The following ARHGEF7 variants were observed in gnomAD, a reference collection of about 807,000 sequenced individuals.
The protein encoded by ARHGEF7 is PAK-interacting exchange factor beta.
ARHGEF7 carries 33 observed loss-of-function variants against 109.8 expected under a neutral mutation model. The observed-to-expected ratio is 0.30, with a 90% CI of 0.23 to 0.40. The LOEUF is 0.40. ARHGEF7 is among the 10% of genes least tolerant of loss of function. The pLI is 1.00. For missense variants in ARHGEF7, 938 were observed against 1,098.5 expected, an observed-to-expected ratio of 0.85 and a Z score of 2.07; for synonymous variants, 458 against 424.6, an observed-to-expected ratio of 1.08 and a Z score of -0.97.
chr13:111,144,925 G>T (rs1444149814), intron 1 of ARHGEF7, among the ~76,000 whole-genome samples: 1 of 152,140 alleles, frequency 6.6e-6, no homozygotes, highest in East Asian at 1.9e-4. Flanking sequence ...TTGTTCCCTT[G>T]TCCTCCATGC....
chr13:111,221,546 C>T (rs148245459), intron 5 of ARHGEF7, among the ~76,000 whole-genome samples: 1,861 of 49,066 alleles, frequency 0.038, 84 homozygotes, highest in African/African-American at 0.1. Context: ...TATATAGATA[C>T]ATATCTATAT....
chr13:111,209,099 G>A (rs2082208429), intron 3 of ARHGEF7, among the ~76,000 whole-genome samples: 1 of 152,212 alleles, frequency 6.6e-6, no homozygotes, highest in African/African-American at 2.4e-5. Flanking sequence ...ACTTAGGGTT[G>A]CTTTCATGGA....
chr13:111,203,924 C>G (rs1340434337), intron 2 of ARHGEF7, among the ~76,000 whole-genome samples: 2 of 152,180 alleles, frequency 1.3e-5, no homozygotes, highest in Admixed American at 6.5e-5. Context: ...GTGCACGTCT[C>G]CATTCGGATG....
chr13:111,135,972 C>T (rs2075064802), intron 1 of ARHGEF7, among the ~76,000 whole-genome samples: 1 of 152,126 alleles, frequency 6.6e-6, no homozygotes, highest in South Asian at 2.1e-4. Context: ...TACGTCCCAT[C>T]AATACCTAAT....
intron 2 of ARHGEF7, among the ~76,000 whole-genome samples, chr13:111,191,704 AGG>A (rs1482418307): frequency 1.3e-5 from 2 of 151,956 alleles, no homozygotes; most frequent in East Asian, 3.9e-4. Context: ...GTGGAAGGGG[AGG>A]GGTGATTGTA....
chr13:111,135,968 C>T (rs1170932040), intron 1 of ARHGEF7, among the ~76,000 whole-genome samples: 5 of 152,086 alleles, frequency 3.3e-5, no homozygotes, highest in African/African-American at 1.2e-4. Flanking sequence ...GAGATACGTC[C>T]CATCAATACC....
At chr13:111,204,911 C>T (rs917320804) in intron 2 of ARHGEF7, among the ~76,000 whole-genome samples, 1 of 152,222 alleles carries the variant, frequency 6.6e-6, no homozygotes, top group Non-Finnish European at 1.5e-5. Flanking sequence ...ATCTGTAGCA[C>T]GCCTTGCCTG....
At position 111,283,248 on chromosome 13, in the gene ARHGEF7, A is replaced by G. The variant is rs1451938654; in HGVS notation, c.1835A>G (p.His612Arg). Residue 612 changes from histidine (H) to arginine (R), a missense_variant, in exon 16 of 22, where the codon CAC (histidine) becomes CGC (arginine). By Grantham distance (29) the His-to-Arg change is conservative. Coordinates refer to ENST00000646102, the MANE Select transcript of ARHGEF7 (RefSeq NM_001354046.2). ...CACCCCTCCCACCACGGCACCCCGC[A>G]CACCACCATCAACTGGGGACCCCTG... Reference protein sequence around the residue: ...LPHPSHHGTPHTTINWGPLEP... With the variant: ...LPHPSHHGTPRTTINWGPLEP... 1 of 1,586,804 alleles carries G rather than the reference A, an allele frequency of 6.3e-7. No individual in the cohort carries two copies. Among genetic ancestry groups the G allele is most frequent in the Admixed American group, 1.8e-5 (1 of 56,758 alleles).
rs140390998 is a variant in ARHGEF7 at position 111,255,738 on chromosome 13, A to C, written c.950+11444A>C. On this transcript the variant is annotated intron_variant, in intron 8 of 21. Transcript: ENST00000646102. The surrounding 1 kb of genome is among the most constrained non-coding windows in gnomAD (Gnocchi z 4.1). ...TTCCCATTTCTGCAGCTTTGTCTTC[A>C]CTTGATTTCACTTTCTGCCCTTAAA... Among the ~76,000 whole-genome samples, 533 of 152,268 alleles carry C rather than the reference A, an allele frequency of 3.5e-3. 4 individuals carry two copies. Among genetic ancestry groups the C allele is most frequent in the African/African-American group, 0.012 (509 of 41,540 alleles).
At chr13:111,280,239 G>GTTTTT in intron 13 of ARHGEF7, 33 bp from the exon 14 acceptor site, 1 of 1,196,990 alleles carries the variant, frequency 8.4e-7, no homozygotes. Context: ...AGCACTAATT[G>GTTTTT]TTTTTTTTTT....
rs1049655797 is a variant in ARHGEF7 at position 111,153,548 on chromosome 13, C to T, written c.166-357C>T. ...CACTGGGCCAGAGGAGGTGGCAGCT[C>T]GCCGGCAAAGCAGGGTGGGCTGCGT... is the stretch of plus-strand genomic sequence containing the variant. On this transcript the variant is annotated intron_variant, in intron 1 of 21. Coordinates refer to ENST00000646102, the MANE Select transcript of ARHGEF7 (RefSeq NM_001354046.2). 11 of 923,230 alleles carry T rather than the reference C, an allele frequency of 1.2e-5. No homozygotes were observed. In the African/African-American group the frequency reaches 1.6e-4, roughly 14 times the overall value. The allele number at this position is 923,230 out of a possible 1,614,324, so 57.2% of individuals were successfully genotyped here. A position where few individuals can be genotyped will look rare whatever the true frequency, so the allele number is the denominator to read the frequency against.
chr13:111,203,816 T>G (rs966878068), intron 2 of ARHGEF7, among the ~76,000 whole-genome samples: 3 of 152,236 alleles, frequency 2.0e-5, no homozygotes, highest in Non-Finnish European at 2.9e-5. Flanking sequence ...ACAGCAGGAC[T>G]TTTTCACATT....
At chr13:111,188,981 A>G (rs1279310092) in intron 2 of ARHGEF7, among the ~76,000 whole-genome samples, 1 of 152,226 alleles carries the variant, frequency 6.6e-6, no homozygotes, top group Non-Finnish European at 1.5e-5. Context: ...TGCACCCCCA[A>G]AGGTTTATTA....
At chr13:111,300,523 G>A (rs996232778) in intron 19 of ARHGEF7, among the ~76,000 whole-genome samples, 6 of 152,192 alleles carry the variant, frequency 3.9e-5, no homozygotes, top group Non-Finnish European at 8.8e-5. Flanking sequence ...AAGGGCTACA[G>A]TTTCCTTCCC....
intron 5 of ARHGEF7, among the ~76,000 whole-genome samples, chr13:111,223,960 G>A (rs575023829): frequency 2.6e-5 from 4 of 151,342 alleles, no homozygotes; most frequent in Non-Finnish European, 5.9e-5. Flanking sequence ...GGGTTCAAGC[G>A]ATTCTCCTAC....
chr13:111,273,945 A>G lies in ARHGEF7; in HGVS notation c.1205A>G (p.His402Arg). Residue 402 changes from histidine (H) to arginine (R), a missense_variant, in exon 10 of 22, where the codon CAC (histidine) becomes CGC (arginine). Physicochemically the swap from His to Arg is conservative, Grantham distance 29 (BLOSUM62 0). This residue lies in a region of ARHGEF7 where 585 missense variants were observed against 723.6 expected (regional missense o/e 0.81). Coordinates refer to ENST00000646102, the MANE Select transcript of ARHGEF7 (RefSeq NM_001354046.2). The surrounding 1 kb of genome is among the most constrained non-coding windows in gnomAD (Gnocchi z 4.5). The stretch of plus-strand genomic sequence containing the variant: ...ACGCTGCTCAAAGAGCTCGAGAGAC[A>G]CATGGAGGTACTGCGCTTTCATTCT... ...YPTLLKELER[H>R]MEDYHTDRQD... 3.1e-6 allele frequency: 5 copies of G among 1,614,190 alleles called. No individual in the cohort carries two copies. The highest frequency in any genetic ancestry group is 4.2e-6 in the Non-Finnish European group (5 of 1,179,998).
chr13:111,132,763 A>G (rs536268983), intron 1 of ARHGEF7, among the ~76,000 whole-genome samples: 30 of 152,328 alleles, frequency 2.0e-4, no homozygotes, highest in African/African-American at 6.5e-4. Flanking sequence ...TGAAAACATG[A>G]ACAATTCAGT....
At chr13:111,299,224 T>C (rs1313163975) in intron 19 of ARHGEF7, among the ~76,000 whole-genome samples, 2 of 152,032 alleles carry the variant, frequency 1.3e-5, no homozygotes, top group African/African-American at 4.8e-5. Flanking sequence ...ATAACAGTGG[T>C]GCCCTCGCGT....
intron 1 of ARHGEF7, among the ~76,000 whole-genome samples, chr13:111,139,923 G>A (rs890585643): frequency 1.3e-5 from 2 of 152,242 alleles, no homozygotes; most frequent in African/African-American, 4.8e-5. Flanking sequence ...AAACTTTTAA[G>A]GTAAAACTAA....
Sources: gnomAD v4.1 joint callset for allele counts (sites outside exome capture counted in the v4.1 genomes callset) on GRCh38, gnomAD v4.1.1 for gene constraint, gnomAD v4.1.1 regional missense constraint, Gnocchi (gnomAD v3.1) non-coding constraint, MANE v1.5 for transcripts, NCBI Gene and HGNC (gene_info 2026-07-23, HGNC 2026-07-21) for gene names.